SNX29: variants seen among roughly 807,000 people sequenced by gnomAD.
SNX29 encodes sorting nexin-29.
In SNX29, 78 loss-of-function variants were observed where a neutral mutation model predicts 102.1. That is an observed-to-expected ratio of 0.76 (90% CI 0.64 to 0.92). The LOEUF (loss-of-function observed/expected upper bound fraction) is 0.92, where lower values mean the gene tolerates loss of function less well. SNX29 is among the 40% of genes least tolerant of loss of function. SNX29 has a pLI of 0.00. For synonymous variants in SNX29, 580 were observed against 414.5 expected (o/e 1.40, Z -4.85); for missense variants, 1,280 against 1,061.7 (o/e 1.21, Z -2.86).
intron 18 of SNX29, among the ~76,000 whole-genome samples, chr16:12,418,475 GTCATTTGCACCAGTT>G (rs2084734493): frequency 6.6e-6 from 1 of 151,934 alleles, no homozygotes; most frequent in Non-Finnish European, 1.5e-5. Flanking sequence ...GCATGGTGTG[GTCATTTGCACCAGTT>G]TCTGTCCTTC....
chr16:12,533,747 A>T (rs182029686), intron 20 of SNX29, among the ~76,000 whole-genome samples: 1 of 152,202 alleles, frequency 6.6e-6, no homozygotes, highest in African/African-American at 2.4e-5. Context: ...CATATAAGTG[A>T]ATTAAGCCAT....
chr16:12,030,157 A>G (rs2057299983), intron 4 of SNX29, among the ~76,000 whole-genome samples: 1 of 152,154 alleles, frequency 6.6e-6, no homozygotes, highest in African/African-American at 2.4e-5. Context: ...CCTTGTTGGC[A>G]TATCACTTCC....
At chr16:12,537,236 C>G (rs1043477170) in intron 20 of SNX29, among the ~76,000 whole-genome samples, 56 of 152,318 alleles carry the variant, frequency 3.7e-4, no homozygotes, top group African/African-American at 1.3e-3. Context: ...AGGTGCCAGG[C>G]ACACCCAAAA....
intron 18 of SNX29, among the ~76,000 whole-genome samples, chr16:12,476,034 G>T (rs1567602584): frequency 1.3e-5 from 2 of 151,996 alleles, no homozygotes; most frequent in Non-Finnish European, 2.9e-5. Flanking sequence ...GATATATAGG[G>T]TGACAGCCAG....
chr16:12,280,929 A>G (rs2079409916), intron 15 of SNX29, among the ~76,000 whole-genome samples: 1 of 152,186 alleles, frequency 6.6e-6, no homozygotes, highest in Non-Finnish European at 1.5e-5. Context: ...ATTTATGGAG[A>G]CAGGGTCTCA....
At chr16:12,117,066 G>A (rs927180224) in intron 11 of SNX29, among the ~76,000 whole-genome samples, 1 of 130,638 alleles carries the variant, frequency 7.7e-6, no homozygotes, top group Non-Finnish European at 1.7e-5. Context: ...GCTTCAATGC[G>A]GACGAACCAT....
At chr16:12,549,244 C>G (rs760907486) in intron 20 of SNX29, among the ~76,000 whole-genome samples, 4 of 152,194 alleles carry the variant, frequency 2.6e-5, no homozygotes, top group African/African-American at 7.2e-5. Context: ...CCCTGTAATC[C>G]CAGCACTTTG....
At chr16:12,133,528 T>C (rs906092710) in intron 13 of SNX29, among the ~76,000 whole-genome samples, 5 of 151,992 alleles carry the variant, frequency 3.3e-5, no homozygotes, top group African/African-American at 1.2e-4. Flanking sequence ...TGGGCTCAAG[T>C]GATCTACCCA....
chr16:12,481,475 TAC>T (rs1420480166), intron 19 of SNX29, among the ~76,000 whole-genome samples: 7 of 137,056 alleles, frequency 5.1e-5, no homozygotes, highest in South Asian at 5.5e-4. Flanking sequence ...TACACATATA[TAC>T]ACACATATAT....
chr16:12,114,538 C>T (rs553438679), intron 11 of SNX29, among the ~76,000 whole-genome samples: 3 of 150,970 alleles, frequency 2.0e-5, no homozygotes, highest in African/African-American at 7.3e-5. Context: ...TCAGATGGCC[C>T]GTGTTTCAGT....
chr16:12,556,811 A>G (rs3135016), intron 20 of SNX29, among the ~76,000 whole-genome samples: 28,572 of 151,964 alleles, frequency 0.19, 2,910 homozygotes, highest in East Asian at 0.43. Flanking sequence ...TTACTAAAGT[A>G]CAGAAGCCCA....
intron 11 of SNX29, among the ~76,000 whole-genome samples, chr16:12,095,635 G>A (rs2151422759): frequency 6.6e-6 from 1 of 152,328 alleles, no homozygotes; most frequent in South Asian, 2.1e-4. Context: ...CATTTCCCCT[G>A]TGTCATTGCT....
chr16:12,488,578 G>A (rs1286251291), intron 19 of SNX29, among the ~76,000 whole-genome samples: 2 of 152,162 alleles, frequency 1.3e-5, no homozygotes, highest in Non-Finnish European at 2.9e-5. Flanking sequence ...AACTGAAGCT[G>A]TGTGGAAGTC....
intron 15 of SNX29, among the ~76,000 whole-genome samples, chr16:12,341,764 C>CAA (rs2081617033): frequency 6.6e-6 from 1 of 152,180 alleles, no homozygotes; most frequent in Non-Finnish European, 1.5e-5. Context: ...ACTCGTTGGC[C>CAA]CTAAGTCAGA....
chr16:12,554,702 C>G (rs1050814857), intron 20 of SNX29, among the ~76,000 whole-genome samples: 1 of 152,168 alleles, frequency 6.6e-6, no homozygotes, highest in South Asian at 2.1e-4. Flanking sequence ...CCTGCCCATG[C>G]CTGGTGACAG....
chr16:12,143,232 G>A (rs1251733776), intron 13 of SNX29, among the ~76,000 whole-genome samples: 1 of 151,686 alleles, frequency 6.6e-6, no homozygotes, highest in African/African-American at 2.4e-5. Flanking sequence ...CCCGACCTCA[G>A]GTGATCCGTC....
chr16:12,539,571 A>G (rs1039694047), intron 20 of SNX29, among the ~76,000 whole-genome samples: 4 of 152,208 alleles, frequency 2.6e-5, no homozygotes, highest in Admixed American at 2.0e-4. Context: ...TTTTGTGTGA[A>G]CAAAAGTTTT....
intron 13 of SNX29, among the ~76,000 whole-genome samples, chr16:12,165,873 T>A (rs8055714): frequency 0.22 from 33,152 of 152,230 alleles, 4,718 homozygotes; most frequent in Admixed American, 0.38. Flanking sequence ...CAGACTTTGA[T>A]TCCCTTCTGA....
intron 13 of SNX29, among the ~76,000 whole-genome samples, chr16:12,130,612 C>G (rs1017442290): frequency 6.6e-6 from 1 of 151,940 alleles, no homozygotes; most frequent in African/African-American, 2.4e-5. Flanking sequence ...AAGTCCCCTT[C>G]TCTTATCCCA....
Sources: gnomAD v4.1 joint callset for allele counts (sites outside exome capture counted in the v4.1 genomes callset) on GRCh38, gnomAD v4.1.1 for gene constraint, MANE v1.5 for transcripts, NCBI Gene and HGNC (gene_info 2026-07-23, HGNC 2026-07-21) for gene names.